Variants in CTNNA3 observed in about 807,000 individuals in gnomAD.
CTNNA3 encodes catenin alpha 3.
Under a neutral mutation model 95.7 loss-of-function variants are expected in CTNNA3, and 76 were observed. The ratio of observed to expected loss-of-function variants is 0.79; its 90% CI spans 0.66 to 0.96. CTNNA3 has a LOEUF of 0.96. CTNNA3 is among the 40% of genes least tolerant of loss of function. The probability of loss-of-function intolerance (pLI) is 0.00; values close to 1 mark genes in which losing one functional copy is unlikely to be tolerated. For missense variants in CTNNA3, 1,191 were observed against 1,089.8 expected (o/e 1.09, Z -1.31); for synonymous variants, 431 against 374.4 (o/e 1.15, Z -1.74).
chr10:66,680,923 AT>A (rs1589115736), intron 9 of CTNNA3, among the ~76,000 whole-genome samples: 1 of 152,168 alleles, frequency 6.6e-6, no homozygotes, highest in Non-Finnish European at 1.5e-5. Flanking sequence ...ACAGGAGAGC[AT>A]TGAAGGAATT....
intron 7 of CTNNA3, among the ~76,000 whole-genome samples, chr10:66,882,009 G>A (rs1032754787): frequency 2.0e-5 from 3 of 152,074 alleles, no homozygotes; most frequent in African/African-American, 7.2e-5. Context: ...TTGTGGAGGA[G>A]TGCCAAATAC....
In CTNNA3 at chr10:67,169,340, C is replaced by CA. The variant is rs554123021; in HGVS notation, c.1047+10976dup. Among the ~76,000 whole-genome samples the CA allele has an allele frequency of 8.3e-4, 122 of 146,576 alleles. 1 individual carries two copies. The highest frequency in any genetic ancestry group is 3.5e-3 in the Middle Eastern group (1 of 282). On this transcript the variant is annotated intron_variant, in intron 7 of 17. Coordinates refer to ENST00000433211, the MANE Select transcript of CTNNA3 (RefSeq NM_013266.4). Reference sequence around the variant, plus strand: ...CCTGAATAGCCAAGGCAATCCTAAGCAAAAAAAAACAAAGCTGGAAGCATC... The same window carrying CA: ...CCTGAATAGCCAAGGCAATCCTAAGCAAAAAAAAAACAAAGCTGGAAGCATC...
intron 9 of CTNNA3, among the ~76,000 whole-genome samples, chr10:66,656,065 G>A (rs1360503883): frequency 2.0e-5 from 3 of 152,032 alleles, no homozygotes; most frequent in African/African-American, 7.2e-5. Context: ...AGTAAATAGT[G>A]TTATTATTTT....
intron 5 of CTNNA3, among the ~76,000 whole-genome samples, chr10:67,464,133 C>T (rs979131327): frequency 4.6e-5 from 7 of 152,048 alleles, no homozygotes; most frequent in South Asian, 2.1e-4. Flanking sequence ...TTCTATAATC[C>T]GGCTCTAACT....
intron 10 of CTNNA3, among the ~76,000 whole-genome samples, chr10:66,586,900 C>T (rs1368815796): frequency 6.6e-6 from 1 of 152,052 alleles, no homozygotes; most frequent in Non-Finnish European, 1.5e-5. Flanking sequence ...TACTCTTTCC[C>T]CAAAAAATAG....
intron 9 of CTNNA3, among the ~76,000 whole-genome samples, chr10:66,740,175 C>T (rs1849281190): frequency 1.3e-5 from 2 of 152,168 alleles, no homozygotes; most frequent in Non-Finnish European, 2.9e-5. Context: ...CTGTTAATAT[C>T]TTGAAAGTTG....
intron 5 of CTNNA3, among the ~76,000 whole-genome samples, chr10:67,445,307 T>A (rs1190321942): frequency 1.3e-5 from 2 of 150,620 alleles, no homozygotes; most frequent in Non-Finnish European, 3.0e-5. Context: ...AATAACAAAA[T>A]AACAGGCATA....
At chr10:66,187,204 C>G (rs187107291) in intron 13 of CTNNA3, among the ~76,000 whole-genome samples, 2 of 152,138 alleles carry the variant, frequency 1.3e-5, no homozygotes, top group African/African-American at 2.4e-5. Flanking sequence ...GTTACTTGAG[C>G]TAAGTCAGAG....
chr10:67,518,751 T>C (rs1043926831), intron 5 of CTNNA3, among the ~76,000 whole-genome samples: 3 of 152,150 alleles, frequency 2.0e-5, no homozygotes, highest in Admixed American at 6.6e-5. Context: ...CCTCTTGATT[T>C]ATAAGCACTC....
Position 66,102,013 on chromosome 10 carries a change from G to A in CTNNA3, c.1977+1144C>T, listed in dbSNP as rs568398480. Among the ~76,000 whole-genome samples the A allele has an allele frequency of 2.0e-5, 3 of 152,160 alleles. No individual in the cohort carries two copies. In the South Asian group the frequency reaches 6.2e-4, roughly 32 times the overall value. On this transcript the variant is annotated intron_variant, in intron 14 of 17. Transcript: ENST00000433211. Reference sequence around the variant, plus strand: ...GGAAATGTGCACTAACACTCATTGTGACATGGAGTTAACCAAACGGGTCTT... The same window carrying A: ...GGAAATGTGCACTAACACTCATTGTAACATGGAGTTAACCAAACGGGTCTT...
intron 2 of CTNNA3, among the ~76,000 whole-genome samples, chr10:67,616,120 T>C (rs1843647992): frequency 6.6e-6 from 1 of 152,098 alleles, no homozygotes; most frequent in Non-Finnish European, 1.5e-5. Flanking sequence ...TTTAAATATC[T>C]GGAGGAAAAC....
chr10:66,696,740 C>T (rs1489089843), intron 9 of CTNNA3, among the ~76,000 whole-genome samples: 1 of 151,084 alleles, frequency 6.6e-6, no homozygotes, highest in Non-Finnish European at 1.5e-5. Flanking sequence ...CAAGATCAGC[C>T]TGGGCAATAA....
chr10:67,616,887 A>AT, intron 2 of CTNNA3, among the ~76,000 whole-genome samples: 1 of 151,872 alleles, frequency 6.6e-6, no homozygotes, highest in East Asian at 1.9e-4. Context: ...TTGGGGAAAA[A>AT]TTTTTTTTTA....
intron 7 of CTNNA3, among the ~76,000 whole-genome samples, chr10:67,145,375 G>A (rs897819077): frequency 6.6e-6 from 1 of 151,912 alleles, no homozygotes; most frequent in African/African-American, 2.4e-5. Context: ...TGGGGTAGTA[G>A]GTGTGGAAAC....
intron 10 of CTNNA3, among the ~76,000 whole-genome samples, chr10:66,566,971 C>T (rs992390350): frequency 2.3e-4 from 6 of 25,704 alleles, no homozygotes; most frequent in African/African-American, 7.8e-4. Flanking sequence ...GAGCAGGGAG[C>T]GGGGAGAAGA....
intron 15 of CTNNA3, among the ~76,000 whole-genome samples, chr10:66,015,315 T>C (rs2079074099): frequency 6.6e-6 from 1 of 152,078 alleles, no homozygotes; most frequent in East Asian, 1.9e-4. Context: ...ATGAAACCAC[T>C]ATAGCAACAG....
At position 65,926,476 on chromosome 10, in the gene CTNNA3, A is replaced by ATT. The variant is rs200139185; in HGVS notation, c.2401-5861_2401-5860dup. ...CTAGCAACAATATATGAGTGTTCCA[A>ATT]TTTTTTTTTTTTTTTTTGAGATGGA... On this transcript the variant is annotated intron_variant, in intron 17 of 17. Coordinates refer to ENST00000433211, the MANE Select transcript of CTNNA3 (RefSeq NM_013266.4). 2.8e-3 allele frequency among the ~76,000 whole-genome samples: 396 copies of ATT among 139,748 alleles called. 2 individuals are homozygous for ATT. The highest frequency in any genetic ancestry group is 8.0e-3 in the African/African-American group (305 of 38,326). The allele number at this position is 139,748 out of a possible 152,430, so 91.7% of individuals were successfully genotyped here.
intron 9 of CTNNA3, among the ~76,000 whole-genome samples, chr10:66,705,383 A>G (rs1259382422): frequency 1.3e-5 from 2 of 152,014 alleles, no homozygotes; most frequent in Non-Finnish European, 2.9e-5. Flanking sequence ...CGAGTTGGGA[A>G]GTAGTTTCTC....
intron 7 of CTNNA3, among the ~76,000 whole-genome samples, chr10:66,913,960 C>T (rs1239294119): frequency 2.0e-5 from 3 of 152,078 alleles, no homozygotes; most frequent in Non-Finnish European, 4.4e-5. Context: ...CCCTGCCTTG[C>T]CCCCAGAACA....
Sources: allele counts gnomAD v4.1 joint callset (sites outside exome capture counted in the v4.1 genomes callset), GRCh38; gene constraint gnomAD v4.1.1; transcripts MANE v1.5; gene names NCBI Gene and HGNC (gene_info 2026-07-23, HGNC 2026-07-21).